CACNA1B: variants seen among roughly 807,000 people sequenced by gnomAD.
The protein encoded by CACNA1B is voltage-dependent N-type calcium channel subunit alpha-1B.
CACNA1B carries 70 observed loss-of-function variants against 247.2 expected under a neutral mutation model. That is an observed-to-expected ratio of 0.28 (90% CI 0.23 to 0.35). The LOEUF (loss-of-function observed/expected upper bound fraction) is 0.35, where lower values mean the gene tolerates loss of function less well. Among genes scored for constraint, CACNA1B ranks in the 10% least tolerant of loss-of-function variants. The probability of loss-of-function intolerance (pLI) is 1.00; values close to 1 mark genes in which losing one functional copy is unlikely to be tolerated. For missense variants in CACNA1B, 2,367 were observed against 3,197.4 expected, an observed-to-expected ratio of 0.74 and a Z score of 6.26; for synonymous variants, 1,231 against 1,294.4, an observed-to-expected ratio of 0.95 and a Z score of 1.05.
Position 138,023,314 on chromosome 9 carries a change from G to A in CACNA1B, c.2571G>A (p.Lys857=). The change falls in exon 19 of 47, where the codon AAG becomes AAA. Residue 857 remains lysine, a synonymous_variant. Coordinates refer to ENST00000371372, the MANE Select transcript of CACNA1B (RefSeq NM_000718.4). ...PPRRHHRHRD[K]DKTPAAGDQD... The stretch of plus-strand genomic sequence containing the variant: ...GCAGGCACCACCGGCACCGCGACAA[G>A]GACAAGACCCCCGCGGCGGGGGACC... 1 of 1,511,632 alleles carries A rather than the reference G, an allele frequency of 6.6e-7. No individual in the cohort carries two copies. Among genetic ancestry groups the A allele is most frequent in the Non-Finnish European group, 8.8e-7 (1 of 1,137,846 alleles). The allele number at this position is 1,511,632 out of a possible 1,614,324, so 93.6% of individuals were successfully genotyped here.
Position 138,023,164 on chromosome 9 carries a change from C to G in CACNA1B, c.2421C>G (p.Pro807=), listed in dbSNP as rs750078709. 5.9e-6 allele frequency: 9 copies of G among 1,534,688 alleles called. No homozygotes were observed. Among genetic ancestry groups the G allele is most frequent in the Non-Finnish European group, 7.0e-6 (8 of 1,148,592 alleles). Residue 807 remains proline (P), a synonymous_variant, in exon 19 of 47, where the codon CCC becomes CCG. Transcript: ENST00000371372. ...LRFATTRHLR[P]DMKTHLDRPL... The stretch of plus-strand genomic sequence containing the variant: ...TCGCCACTACGCGCCACCTGCGGCC[C>G]GACATGAAGACGCACCTGGACCGGC...
chr9:138,110,118 C>CATATATATATATATATATACATAT (rs148792012), intron 39 of CACNA1B, among the ~76,000 whole-genome samples: 2 of 134,470 alleles, frequency 1.5e-5, no homozygotes, highest in East Asian at 4.0e-4. Context: ...TATATATATA[C>CATATATATATATATATATACATAT]ATATATATAT....
intron 6 of CACNA1B, among the ~76,000 whole-genome samples, chr9:137,918,534 G>A (rs1957443527): frequency 6.6e-6 from 1 of 152,082 alleles, no homozygotes; most frequent in Non-Finnish European, 1.5e-5. Flanking sequence ...GGAGTGCAAG[G>A]TGCTTTCACC....
chr9:138,096,969 T>TGAG (rs2131342897), intron 37 of CACNA1B, among the ~76,000 whole-genome samples: 1 of 151,818 alleles, frequency 6.6e-6, no homozygotes, highest in South Asian at 2.1e-4. Flanking sequence ...GCCTGTCATG[T>TGAG]GAGGGCTCAT....
intron 9 of CACNA1B, 54 bp downstream of exon 9, chr9:137,956,881 G>GTCACCACCCA: frequency 2.1e-6 from 3 of 1,462,804 alleles, no homozygotes; most frequent in East Asian, 2.3e-5. Flanking sequence ...GTGGCCACGT[G>GTCACCACCCA]GGTGGTGACA....
intron 15 of CACNA1B, among the ~76,000 whole-genome samples, chr9:138,000,803 A>T (rs1232350057): frequency 6.6e-6 from 1 of 152,212 alleles, no homozygotes; most frequent in Non-Finnish European, 1.5e-5. Flanking sequence ...CCCCAGTGAA[A>T]GTAGATTCAT....
In CACNA1B at chr9:137,917,664, T is replaced by A. The variant is rs1564888667; in HGVS notation, c.966+233T>A. The stretch of plus-strand genomic sequence containing the variant: ...TGAGGTGGGTCCTCCTGGAGTTGAC[T>A]CCTTCGTGAAAATGAAGCAGAAGGC... On this transcript the variant is annotated intron_variant, in intron 6 of 46. Transcript: ENST00000371372. The surrounding 1 kb of genome is among the most constrained non-coding windows in gnomAD (Gnocchi z 5.5). 6.6e-6 allele frequency among the ~76,000 whole-genome samples: 1 copy of A among 152,188 alleles called. No individual in the cohort carries two copies. Among genetic ancestry groups the A allele is most frequent in the African/African-American group, 2.4e-5 (1 of 41,444 alleles).
chr9:137,923,515 C>T (rs1957515041), intron 6 of CACNA1B, among the ~76,000 whole-genome samples: 1 of 151,750 alleles, frequency 6.6e-6, no homozygotes, highest in Non-Finnish European at 1.5e-5. Context: ...AGGTGGTATT[C>T]CGTGGTGCCA....
chr9:137,960,135 G>A lies in CACNA1B; in HGVS notation c.1333+2448G>A. On this transcript the variant is annotated intron_variant, in intron 10 of 46. Transcript: ENST00000371372. The stretch of plus-strand genomic sequence containing the variant: ...GAGGAACTACTCTCAGGCCGACCTG[G>A]AGAGAGAGGGGAGCTTGGCCTGAGG... Among the ~76,000 whole-genome samples, 2 of 134,512 alleles carry A rather than the reference G, an allele frequency of 1.5e-5. 1 individual carries two copies. Among genetic ancestry groups the A allele is most frequent in the South Asian group, 5.3e-4 (2 of 3,802 alleles). The allele number at this position is 134,512 out of a possible 152,430, so 88.2% of individuals were successfully genotyped here.
At chr9:138,093,676 G>C (rs1960956903) in intron 36 of CACNA1B, among the ~76,000 whole-genome samples, 2 of 151,820 alleles carry the variant, frequency 1.3e-5, no homozygotes, top group Non-Finnish European at 2.9e-5. Context: ...GGAGGTGGAG[G>C]CTGCAGTGAC....
At chr9:137,901,074 T>TCTGTCC (rs1251260593) in intron 3 of CACNA1B, among the ~76,000 whole-genome samples, 1 of 149,218 alleles carries the variant, frequency 6.7e-6, no homozygotes, top group Non-Finnish European at 1.5e-5. Flanking sequence ...TGTGTGTCTC[T>TCTGTCC]CTGTCCCTGT....
At chr9:137,934,497 C>T (rs1351305546) in intron 6 of CACNA1B, among the ~76,000 whole-genome samples, 1 of 152,186 alleles carries the variant, frequency 6.6e-6, no homozygotes, top group Non-Finnish European at 1.5e-5. Context: ...TGAACTTTTG[C>T]TCCAGAATGA....
rs907634856 is a variant in CACNA1B at position 137,880,137 on chromosome 9, C to T, written c.390+978C>T. Among the ~76,000 whole-genome samples, 1 of 152,214 alleles carries T rather than the reference C, an allele frequency of 6.6e-6. No homozygotes were observed. The highest frequency in any genetic ancestry group is 1.5e-5 in the Non-Finnish European group (1 of 68,042). On this transcript the variant is annotated intron_variant, in intron 2 of 46. Coordinates refer to ENST00000371372, the MANE Select transcript of CACNA1B (RefSeq NM_000718.4). The surrounding 1 kb of genome is among the most constrained non-coding windows in gnomAD (Gnocchi z 4.8). ...AGACTTTAGCCCTGAAACTGAACTC[C>T]CTTTGAACCTGGGCCACCGCAGGCC... is the stretch of plus-strand genomic sequence containing the variant.
In CACNA1B at chr9:138,052,097, C is replaced by T; in HGVS notation, c.3716C>T (p.Ser1239Phe). The T allele has an allele frequency of 6.3e-7, 1 of 1,594,424 alleles. No individual in the cohort carries two copies. Among genetic ancestry groups the T allele is most frequent in the Non-Finnish European group, 8.6e-7 (1 of 1,162,816 alleles). ...CTGTGGCTTCTCCCTTCTAGAGGAT[C>T]CAAAGGGAAAGACATCAATACCATC... ...GALVAFAFSG[S>F]KGKDINTIKS... Residue 1239 changes from serine to phenylalanine, a missense_variant, in exon 25 of 47, where the codon TCC (serine) becomes TTC (phenylalanine). By Grantham distance (155) the Ser-to-Phe change is radical (BLOSUM62 -2). This residue lies in a region of CACNA1B where 436 missense variants were observed against 679.5 expected (regional missense o/e 0.64). Transcript: ENST00000371372. The surrounding 1 kb of genome is among the most constrained non-coding windows in gnomAD (Gnocchi z 5.1).
chr9:138,013,026 A>AT, intron 17 of CACNA1B, 103 bp from the exon 18 acceptor site: 1 of 833,210 alleles, frequency 1.2e-6, no homozygotes, highest in Non-Finnish European at 1.9e-6. Context: ...AGCACTGTGT[A>AT]TTTTTTGAGG....
intron 13 of CACNA1B, among the ~76,000 whole-genome samples, chr9:137,985,323 T>C (rs1388168549): frequency 1.3e-5 from 2 of 152,226 alleles, no homozygotes; most frequent in East Asian, 3.8e-4. Flanking sequence ...CTGTGCTGTG[T>C]GTCCTCAGAC....
chr9:138,092,202 G>A (rs146460206), intron 36 of CACNA1B, among the ~76,000 whole-genome samples: 105 of 152,202 alleles, frequency 6.9e-4, no homozygotes, highest in African/African-American at 2.2e-3. Context: ...GCAGACAACC[G>A]GTCTGACTAG....
Position 138,074,003 on chromosome 9 carries a change from C to T in CACNA1B, c.4794C>T (p.Ala1598=), listed in dbSNP as rs887911932. 6 of 1,611,604 alleles carry T rather than the reference C, an allele frequency of 3.7e-6. No homozygotes were observed. Among genetic ancestry groups the T allele is most frequent in the South Asian group, 3.3e-5 (3 of 91,080 alleles). ...LLWTFVQSFK[A]LPYVCLLIAM... is the part of the protein sequence containing the mutation. The stretch of plus-strand genomic sequence containing the variant: ...CTGACCGGCCCCTGTCTCCGCAGGC[C>T]CTGCCCTACGTGTGTCTGCTCATTG... The change falls in exon 34 of 47, where the codon GCC becomes GCT. Residue 1598 remains alanine, a splice_region_variant and synonymous_variant. Transcript: ENST00000371372.
At chr9:138,114,275 G>A (rs1471426254) in intron 40 of CACNA1B, 103 bp from the exon 41 acceptor site, 3 of 653,856 alleles carry the variant, frequency 4.6e-6, no homozygotes, top group Non-Finnish European at 5.6e-6. Context: ...GTCTTTGTGG[G>A]GGGCGAGGGA....
Sources: gnomAD v4.1 joint callset for allele counts (sites outside exome capture counted in the v4.1 genomes callset) on GRCh38, gnomAD v4.1.1 for gene constraint, gnomAD v4.1.1 regional missense constraint, Gnocchi (gnomAD v3.1) non-coding constraint, MANE v1.5 for transcripts, NCBI Gene and HGNC (gene_info 2026-07-23, HGNC 2026-07-21) for gene names.